The following LGR4 variants were observed in gnomAD, a reference collection of about 807,000 sequenced individuals.
LGR4 encodes leucine-rich repeat-containing G protein-coupled receptor 4.
LGR4 carries 44 observed loss-of-function variants against 84.8 expected under a neutral mutation model. That is an observed-to-expected ratio of 0.52 (90% confidence interval 0.41 to 0.67). LGR4 has a LOEUF of 0.67. Among genes scored for constraint, LGR4 ranks in the 30% least tolerant of loss-of-function variants. The pLI, the probability that LGR4 is intolerant of heterozygous loss-of-function variation, is 0.00. For missense variants in LGR4, 1,032 were observed against 1,131.4 expected, an observed-to-expected ratio of 0.91 and a Z score of 1.26; for synonymous variants, 429 against 434.3, an observed-to-expected ratio of 0.99 and a Z score of 0.15.
In LGR4 at chr11:27,472,108, C is replaced by T; in HGVS notation, c.185+10G>A. On this transcript the variant is annotated intron_variant, in intron 1 of 17. Coordinates refer to ENST00000379214, the MANE Select transcript of LGR4 (RefSeq NM_018490.5). ...TCCCCCCCCCTCGCGTCCCCGCCGC[C>T]CGCACTCACAGCGCTTGGGTGAAGG... The T allele has an allele frequency of 7.6e-7, 1 of 1,316,104 alleles. No individual in the cohort carries two copies. The highest frequency in any genetic ancestry group is 9.6e-7 in the Non-Finnish European group (1 of 1,036,290). 81.5% of individuals were successfully genotyped at this position (1,316,104 alleles called of 1,614,324 possible). A position where few individuals can be genotyped will look rare whatever the true frequency, so the allele number is the denominator to read the frequency against.
At chr11:27,450,326 A>G (rs1463581010) in intron 1 of LGR4, among the ~76,000 whole-genome samples, 2 of 152,234 alleles carry the variant, frequency 1.3e-5, no homozygotes, top group Non-Finnish European at 2.9e-5. Flanking sequence ...ACATGGTACA[A>G]TTAATACTTT....
At position 27,384,416 on chromosome 11, in the gene LGR4, G is replaced by GA. The variant is rs767283342; in HGVS notation, c.618-10dup. 9 of 1,591,884 alleles carry GA rather than the reference G, an allele frequency of 5.7e-6. No individual in the cohort carries two copies. The highest frequency in any genetic ancestry group is 4.5e-5 in the East Asian group (2 of 44,616). On this transcript the variant is annotated splice_polypyrimidine_tract_variant and intron_variant, in intron 5 of 17. Coordinates refer to ENST00000379214, the MANE Select transcript of LGR4 (RefSeq NM_018490.5). Reference sequence around the variant, plus strand: ...TATTGTTATGAAGATGCCTAAGGGGGAAAAAAAGCATAAAATGACTTTTCC... The same window carrying GA: ...TATTGTTATGAAGATGCCTAAGGGGGAAAAAAAAGCATAAAATGACTTTTCC...
rs532598807 is a variant in LGR4, at chr11:27,439,473, T to C, written c.186-26613A>G. Reference sequence around the variant, plus strand: ...CATATTTTGTTTATCCAATTACCCATCAATGGACATGTGGGGTGCTTCTAC... The same window carrying C: ...CATATTTTGTTTATCCAATTACCCACCAATGGACATGTGGGGTGCTTCTAC... On this transcript the variant is annotated intron_variant, in intron 1 of 17. Transcript: ENST00000379214. Among the ~76,000 whole-genome samples the C allele has an allele frequency of 2.0e-5, 3 of 152,318 alleles. No individual in the cohort carries two copies. The East Asian group carries it at 5.8e-4, about 29-fold the overall frequency.
intron 1 of LGR4, among the ~76,000 whole-genome samples, chr11:27,425,326 G>GTTT (rs553464522): frequency 7.7e-5 from 11 of 142,508 alleles, no homozygotes; most frequent in African/African-American, 1.3e-4. Flanking sequence ...TCTCAGCACA[G>GTTT]TTTTTTTTTT....
At chr11:27,376,195 T>G in intron 13 of LGR4, 104 bp downstream of exon 13, 1 of 724,256 alleles carries the variant, frequency 1.4e-6, no homozygotes, top group Non-Finnish European at 2.3e-6. Context: ...AGGCTGAAAT[T>G]AAAATTATAT....
At chr11:27,417,741 AG>A (rs1366502729) in intron 1 of LGR4, among the ~76,000 whole-genome samples, 1 of 152,192 alleles carries the variant, frequency 6.6e-6, no homozygotes, top group Non-Finnish European at 1.5e-5. Flanking sequence ...ATTTCATTAC[AG>A]ATTTTTTTCT....
intron 7 of LGR4, among the ~76,000 whole-genome samples, chr11:27,381,761 G>A (rs1271504125): frequency 6.6e-6 from 1 of 151,744 alleles, no homozygotes; most frequent in Non-Finnish European, 1.5e-5. Context: ...AAATATTTTT[G>A]TTCTTTCAAG....
chr11:27,429,343 G>A (rs11828998), intron 1 of LGR4, among the ~76,000 whole-genome samples: 6,630 of 152,018 alleles, frequency 0.044, 416 homozygotes, highest in African/African-American at 0.13. Context: ...AAATTAGCTG[G>A]GCATGGTGGC....
chr11:27,377,662 T>C (rs953621651), intron 11 of LGR4, among the ~76,000 whole-genome samples: 2 of 152,146 alleles, frequency 1.3e-5, no homozygotes, highest in African/African-American at 4.8e-5. Context: ...TGTTCTTTTG[T>C]TGAAAAGCTC....
chr11:27,410,076 A>T (rs1164061011), intron 2 of LGR4, among the ~76,000 whole-genome samples: 1 of 152,170 alleles, frequency 6.6e-6, no homozygotes, highest in East Asian at 1.9e-4. Flanking sequence ...GGCTAGTTCA[A>T]CTAAGGGAAC....
intron 1 of LGR4, among the ~76,000 whole-genome samples, chr11:27,417,533 A>G (rs943821280): frequency 6.6e-6 from 1 of 152,214 alleles, no homozygotes; most frequent in African/African-American, 2.4e-5. Flanking sequence ...AAAGACACAC[A>G]TAACACCAAA....
At chr11:27,392,559 A>G in intron 2 of LGR4, 41 bp from the exon 3 acceptor site, 1 of 1,489,542 alleles carries the variant, frequency 6.7e-7, no homozygotes, top group Non-Finnish European at 9.0e-7. Flanking sequence ...AAAAAATAGT[A>G]ATTCAGACTT....
intron 2 of LGR4, among the ~76,000 whole-genome samples, chr11:27,397,909 T>C (rs1863419096): frequency 6.6e-6 from 1 of 152,166 alleles, no homozygotes; most frequent in Non-Finnish European, 1.5e-5. Context: ...AGACAGAGAA[T>C]GGAGAGAAAG....
At chr11:27,452,542 A>C (rs1193001458) in intron 1 of LGR4, among the ~76,000 whole-genome samples, 6 of 151,238 alleles carry the variant, frequency 4.0e-5, no homozygotes, top group Non-Finnish European at 2.9e-5. Flanking sequence ...CTCCAACCCT[A>C]GCAACCACTG....
intron 13 of LGR4, 150 bp from the exon 14 acceptor site, chr11:27,374,196 T>C (rs1350857568): frequency 1.2e-5 from 8 of 655,374 alleles, no homozygotes; most frequent in African/African-American, 3.6e-5. Context: ...TTTTTTCATG[T>C]TTATGTTGAA....
rs774342410 is a variant in LGR4 at position 27,428,745 on chromosome 11, C to CT, written c.186-15886dup. Among the ~76,000 whole-genome samples the CT allele has an allele frequency of 3.1e-3, 473 of 151,910 alleles. 1 individual carries two copies. The highest frequency in any genetic ancestry group is 4.3e-3 in the Non-Finnish European group (291 of 67,960). Reference sequence around the variant, plus strand: ...AAAAAAGGTGAACTTTTCTTTCTTTCTTTTTTTTGTTTTTTTACGACATAG... The same window carrying CT: ...AAAAAAGGTGAACTTTTCTTTCTTTCTTTTTTTTTGTTTTTTTACGACATAG... On this transcript the variant is annotated intron_variant, in intron 1 of 17. Transcript: ENST00000379214.
At chr11:27,466,102 A>T (rs1447583162) in intron 1 of LGR4, among the ~76,000 whole-genome samples, 4 of 152,250 alleles carry the variant, frequency 2.6e-5, no homozygotes, top group African/African-American at 9.6e-5. Context: ...GATCAAGTTT[A>T]AAAAATTAAA....
chr11:27,409,653 C>T lies in LGR4; in HGVS notation c.257+3136G>A, dbSNP rs150528758. On this transcript the variant is annotated intron_variant, in intron 2 of 17. Transcript: ENST00000379214. ...AAAATGACCCTTCATTATCTGGCCT[C>T]GTCTCCTGACATTTTTCCATATGTA... Among the ~76,000 whole-genome samples the T allele has an allele frequency of 8.5e-5, 13 of 152,228 alleles. No individual in the cohort carries two copies. In the East Asian group the frequency reaches 2.5e-3, roughly 29 times the overall value.
chr11:27,434,408 T>C lies in LGR4; in HGVS notation c.186-21548A>G, dbSNP rs539018555. Reference sequence around the variant, plus strand: ...TAATTCCAAAATGTTTAATATAGCTTAGTGTTTACATCTCATTTCCCCTTT... The same window carrying C: ...TAATTCCAAAATGTTTAATATAGCTCAGTGTTTACATCTCATTTCCCCTTT... On this transcript the variant is annotated intron_variant, in intron 1 of 17. Transcript: ENST00000379214. Among the ~76,000 whole-genome samples the C allele has an allele frequency of 5.5e-4, 84 of 152,198 alleles. 1 individual carries two copies. The highest frequency in any genetic ancestry group is 9.4e-4 in the Non-Finnish European group (64 of 68,026).
Sources: gnomAD v4.1 joint callset for allele counts (sites outside exome capture counted in the v4.1 genomes callset) on GRCh38, gnomAD v4.1.1 for gene constraint, MANE v1.5 for transcripts, NCBI Gene and HGNC (gene_info 2026-07-23, HGNC 2026-07-21) for gene names.